Variants in PLCB4 observed in about 807,000 individuals in gnomAD.
The protein encoded by PLCB4 is 1-phosphatidylinositol 4,5-bisphosphate phosphodiesterase beta-4.
PLCB4 carries 77 observed loss-of-function variants against 178.8 expected under a neutral mutation model. That is an observed-to-expected ratio of 0.43 (90% confidence interval 0.36 to 0.52). The LOEUF is 0.52. PLCB4 is among the 20% of genes least tolerant of loss of function. The probability of loss-of-function intolerance (pLI) is 0.00; values close to 1 mark genes in which losing one functional copy is unlikely to be tolerated. For synonymous variants in PLCB4, 496 were observed against 490.8 expected (o/e 1.01, Z -0.14); for missense variants, 1,024 against 1,453.4 (o/e 0.70, Z 4.80).
At chr20:9,131,280 C>CTTCT (rs796400518) in intron 2 of PLCB4, among the ~76,000 whole-genome samples, 33 of 152,150 alleles carry the variant, frequency 2.2e-4, no homozygotes, top group Admixed American at 5.9e-4. Flanking sequence ...TCCTTCCCTC[C>CTTCT]TTCTTTCCTT....
intron 2 of PLCB4, among the ~76,000 whole-genome samples, chr20:9,207,841 C>A (rs528497380): frequency 6.6e-6 from 1 of 152,238 alleles, no homozygotes; most frequent in African/African-American, 2.4e-5. Flanking sequence ...AAAAAGGAAT[C>A]AATTATATTT....
Position 9,279,769 on chromosome 20 carries a change from A to G in PLCB4, c.-15-28031A>G, listed in dbSNP as rs987584693. ...CAGTGAAACCACTGGCTAACGTTTG[A>G]GTATTTTCCTTCAAGTCTTTTGCAT... On this transcript the variant is annotated intron_variant, in intron 3 of 39. Coordinates refer to ENST00000378473, the MANE Select transcript of PLCB4 (RefSeq NM_001377142.1). Among the ~76,000 whole-genome samples, 2 of 152,132 alleles carry G rather than the reference A, an allele frequency of 1.3e-5. 1 individual carries two copies. Among genetic ancestry groups the G allele is most frequent in the Admixed American group, 1.3e-4 (2 of 15,274 alleles).
In PLCB4 at chr20:9,398,014, C is replaced by T. The variant is rs1288930622; in HGVS notation, c.1510+2396C>T. The stretch of plus-strand genomic sequence containing the variant: ...GCTGGCAGTGGATGCTGGCTGAACG[C>T]TGGGAGCTCCGCTGGGCCTCACTGA... On this transcript the variant is annotated intron_variant, in intron 19 of 39. Transcript: ENST00000378473. Among the ~76,000 whole-genome samples, 8 of 152,140 alleles carry T rather than the reference C, an allele frequency of 5.3e-5. No individual in the cohort carries two copies. In the East Asian group the frequency reaches 1.3e-3, roughly 26 times the overall value.
At chr20:9,282,956 A>C (rs1006528084) in intron 3 of PLCB4, among the ~76,000 whole-genome samples, 1 of 152,014 alleles carries the variant, frequency 6.6e-6, no homozygotes, top group Non-Finnish European at 1.5e-5. Context: ...AGTACTTTTC[A>C]TGCCTCTGAT....
chr20:9,095,169 T>C (rs1318559034), intron 1 of PLCB4, among the ~76,000 whole-genome samples: 1 of 152,214 alleles, frequency 6.6e-6, no homozygotes, highest in African/African-American at 2.4e-5. Context: ...TTCACGATCC[T>C]TTCAGTAGGA....
At chr20:9,215,454 G>A (rs902856930) in intron 2 of PLCB4, among the ~76,000 whole-genome samples, 3 of 152,036 alleles carry the variant, frequency 2.0e-5, no homozygotes, top group African/African-American at 4.8e-5. Flanking sequence ...ACATTTTTGA[G>A]TTTTTATGTG....
chr20:9,300,168 T>C (rs2094687022), intron 3 of PLCB4, among the ~76,000 whole-genome samples: 1 of 152,156 alleles, frequency 6.6e-6, no homozygotes, highest in African/African-American at 2.4e-5. Flanking sequence ...GGCACTGAAA[T>C]ATGTGTGATA....
chr20:9,354,794 G>C (rs1313515778), intron 7 of PLCB4, among the ~76,000 whole-genome samples: 1 of 152,182 alleles, frequency 6.6e-6, no homozygotes, highest in South Asian at 2.1e-4. Context: ...TGTTAGAAAT[G>C]CAGAATCTCA....
chr20:9,153,685 G>A (rs1011123268), intron 2 of PLCB4, among the ~76,000 whole-genome samples: 2 of 152,148 alleles, frequency 1.3e-5, no homozygotes, highest in African/African-American at 2.4e-5. Context: ...GAGCCACAAG[G>A]GAAAGTCAAA....
chr20:9,199,142 T>C (rs1254890165), intron 2 of PLCB4, among the ~76,000 whole-genome samples: 1 of 147,386 alleles, frequency 6.8e-6, no homozygotes, highest in African/African-American at 2.6e-5. Flanking sequence ...TAAAAGAAAT[T>C]CCAAAATAGT....
intron 3 of PLCB4, among the ~76,000 whole-genome samples, chr20:9,261,215 T>C (rs2094294102): frequency 6.6e-6 from 1 of 152,158 alleles, no homozygotes; most frequent in Non-Finnish European, 1.5e-5. Context: ...TCTCTCTTTT[T>C]TTTTTTAATT....
intron 2 of PLCB4, among the ~76,000 whole-genome samples, chr20:9,154,291 A>G (rs943305471): frequency 2.0e-5 from 3 of 152,210 alleles, no homozygotes; most frequent in Non-Finnish European, 4.4e-5. Context: ...ATCTCAGTGC[A>G]GGAGAGCCTG....
intron 17 of PLCB4, 58 bp from the exon 18 acceptor site, chr20:9,393,530 G>A: frequency 5.9e-6 from 7 of 1,177,594 alleles, no homozygotes; most frequent in Non-Finnish European, 8.8e-6. Flanking sequence ...CCTGGACTGG[G>A]AAGGAGAATG....
intron 7 of PLCB4, among the ~76,000 whole-genome samples, chr20:9,349,956 G>T (rs1178646510): frequency 6.6e-6 from 1 of 152,150 alleles, no homozygotes; most frequent in Admixed American, 6.5e-5. Context: ...ATGGCATGAA[G>T]AAGTGGGCAG....
chr20:9,237,368 A>C (rs896713654), intron 3 of PLCB4, among the ~76,000 whole-genome samples: 3 of 152,010 alleles, frequency 2.0e-5, no homozygotes, highest in Non-Finnish European at 2.9e-5. Flanking sequence ...AAGTTATTGG[A>C]GGAAAGGTGG....
At chr20:9,365,602 G>A (rs1038169212) in intron 9 of PLCB4, 88 bp downstream of exon 9, 109 of 712,222 alleles carry the variant, frequency 1.5e-4, no homozygotes, top group Admixed American at 1.8e-4. Context: ...AAGTATTTGT[G>A]TGTTAAATGC....
At chr20:9,300,130 G>C (rs147842449) in intron 3 of PLCB4, among the ~76,000 whole-genome samples, 120 of 152,182 alleles carry the variant, frequency 7.9e-4, no homozygotes, top group African/African-American at 2.8e-3. Context: ...GAAATATAAG[G>C]ATATCTTATT....
intron 33 of PLCB4, 95 bp downstream of exon 33, chr20:9,453,557 G>A: frequency 3.1e-6 from 2 of 651,368 alleles, no homozygotes. Flanking sequence ...GAAGAACTTA[G>A]TGTTGACTTG....
intron 3 of PLCB4, among the ~76,000 whole-genome samples, chr20:9,278,111 G>A (rs1003037898): frequency 1.3e-5 from 2 of 152,004 alleles, no homozygotes; most frequent in African/African-American, 4.8e-5. Context: ...TAAGTTCAGA[G>A]CAAACAGAAT....
Sources: allele counts gnomAD v4.1 joint callset (sites outside exome capture counted in the v4.1 genomes callset), GRCh38; gene constraint gnomAD v4.1.1; transcripts MANE v1.5; gene names NCBI Gene and HGNC (gene_info 2026-07-23, HGNC 2026-07-21).